Variants in ZNF385D observed in about 807,000 individuals in gnomAD.
The protein encoded by ZNF385D is zinc finger protein 659.
ZNF385D carries 15 observed loss-of-function variants against 35.8 expected under a neutral mutation model. The observed-to-expected ratio is 0.42, with a 90% CI of 0.28 to 0.64. The LOEUF (loss-of-function observed/expected upper bound fraction) is 0.64, where lower values mean the gene tolerates loss of function less well. ZNF385D is among the 30% of genes least tolerant of loss of function. The pLI is 0.23. For synonymous variants in ZNF385D, 212 were observed against 186.8 expected, an observed-to-expected ratio of 1.13 and a Z score of -1.10; for missense variants, 474 against 494.6, an observed-to-expected ratio of 0.96 and a Z score of 0.39.
At chr3:21,938,993 G>C (rs1017004366) in intron 3 of ZNF385D, among the ~76,000 whole-genome samples, 2 of 152,168 alleles carry the variant, frequency 1.3e-5, no homozygotes, top group Admixed American at 1.3e-4. Context: ...GTGCTTCCTG[G>C]TATCTGGAAT....
At chr3:22,219,614 T>C (rs1192899726) in intron 2 of ZNF385D, among the ~76,000 whole-genome samples, 2 of 152,198 alleles carry the variant, frequency 1.3e-5, no homozygotes, top group Non-Finnish European at 2.9e-5. Context: ...AGATGTGTTT[T>C]GGTGTTCAGA....
At chr3:21,616,457 G>A (rs1437390539) in intron 2 of ZNF385D, among the ~76,000 whole-genome samples, 1 of 152,102 alleles carries the variant, frequency 6.6e-6, no homozygotes, top group Non-Finnish European at 1.5e-5. Context: ...ATTTCCTTGC[G>A]GGAGAATTTT....
intron 2 of ZNF385D, among the ~76,000 whole-genome samples, chr3:21,652,004 A>G (rs1035345609): frequency 7.2e-5 from 11 of 152,178 alleles, no homozygotes; most frequent in African/African-American, 2.7e-4. Context: ...ACATCATCTC[A>G]ATCAGATTCC....
chr3:22,319,509 C>T (rs997513194), intron 2 of ZNF385D, among the ~76,000 whole-genome samples: 8 of 151,820 alleles, frequency 5.3e-5, no homozygotes, highest in East Asian at 1.9e-4. Flanking sequence ...GGCAAATGCC[C>T]GTATTGGACA....
intron 3 of ZNF385D, among the ~76,000 whole-genome samples, chr3:21,928,673 T>G (rs565234319): frequency 3.9e-4 from 59 of 152,222 alleles, no homozygotes; most frequent in African/African-American, 1.3e-3. Flanking sequence ...CAACACAAAC[T>G]TCACAGAAAT....
chr3:22,078,477 A>AAGGATATGGTAATTGGGG (rs1327957704), intron 3 of ZNF385D, among the ~76,000 whole-genome samples: 1 of 152,056 alleles, frequency 6.6e-6, no homozygotes, highest in Admixed American at 6.6e-5. Flanking sequence ...ATGAGTGGAT[A>AAGGATATGGTAATTGGGG]AGGATATGGT....
chr3:22,008,061 T>G (rs1490134527), intron 3 of ZNF385D, among the ~76,000 whole-genome samples: 3 of 152,036 alleles, frequency 2.0e-5, no homozygotes, highest in East Asian at 3.9e-4. Flanking sequence ...TTCCAGAGTT[T>G]GATGAGAAGT....
chr3:21,792,569 G>T (rs2071974112), intron 3 of ZNF385D, among the ~76,000 whole-genome samples: 1 of 152,054 alleles, frequency 6.6e-6, no homozygotes, highest in South Asian at 2.1e-4. Context: ...TTACATCCTT[G>T]GTCTATAGGA....
intron 3 of ZNF385D, among the ~76,000 whole-genome samples, chr3:22,110,211 A>G (rs1433395832): frequency 6.6e-6 from 1 of 152,098 alleles, no homozygotes; most frequent in Admixed American, 6.6e-5. Flanking sequence ...TAGTTCAACC[A>G]TTGTGGAAGT....
intron 3 of ZNF385D, among the ~76,000 whole-genome samples, chr3:22,024,427 G>A (rs73137154): frequency 0.086 from 13,060 of 151,790 alleles, 593 homozygotes; most frequent in East Asian, 0.16. Context: ...ATTAAGGATG[G>A]AGTTATTTCC....
At chr3:22,034,595 T>G (rs1698201396) in intron 3 of ZNF385D, among the ~76,000 whole-genome samples, 2 of 152,198 alleles carry the variant, frequency 1.3e-5, no homozygotes, top group African/African-American at 4.8e-5. Flanking sequence ...TATCATATAT[T>G]TAAGACATTG....
In ZNF385D at chr3:22,357,485, T is replaced by C. The variant is rs982576592; in HGVS notation, c.106+14965A>G. ...AAAACTTGGAAGTGCAGATATAAAT[T>C]CTTGGAAGCATACAGTTATGTCTTT... On this transcript the variant is annotated intron_variant, in intron 2 of 5. Transcript: ENST00000494108. Among the ~76,000 whole-genome samples, 16 of 151,900 alleles carry C rather than the reference T, an allele frequency of 1.1e-4. 1 individual carries two copies. Among genetic ancestry groups the C allele is most frequent in the Non-Finnish European group, 2.4e-4 (16 of 67,850 alleles).
At chr3:21,768,773 C>T (rs944633157) in intron 3 of ZNF385D, among the ~76,000 whole-genome samples, 35 of 151,976 alleles carry the variant, frequency 2.3e-4, no homozygotes, top group African/African-American at 8.0e-4. Flanking sequence ...AACCCACCGT[C>T]CCCCATTGAA....
chr3:22,039,861 A>G (rs1374508541), intron 3 of ZNF385D, among the ~76,000 whole-genome samples: 1 of 151,894 alleles, frequency 6.6e-6, no homozygotes, highest in Admixed American at 6.6e-5. Context: ...ACCCTTTTCT[A>G]TGACTGAAAG....
chr3:22,359,750 A>G (rs1696329134), intron 2 of ZNF385D, among the ~76,000 whole-genome samples: 1 of 151,944 alleles, frequency 6.6e-6, no homozygotes, highest in Non-Finnish European at 1.5e-5. Flanking sequence ...AAATGATAGG[A>G]AATAGTGTCC....
intron 3 of ZNF385D, among the ~76,000 whole-genome samples, chr3:22,034,281 C>T (rs971035752): frequency 2.6e-5 from 4 of 152,140 alleles, no homozygotes; most frequent in African/African-American, 4.8e-5. Flanking sequence ...CCTCTCTCTG[C>T]TCCCAGTCAT....
intron 3 of ZNF385D, among the ~76,000 whole-genome samples, chr3:22,131,196 T>A (rs899684614): frequency 5.3e-5 from 8 of 151,976 alleles, no homozygotes; most frequent in Middle Eastern, 3.2e-3. Flanking sequence ...GGGTGGGCAA[T>A]GAGGAACTAG....
chr3:22,120,132 A>AT (rs954479988), intron 3 of ZNF385D, among the ~76,000 whole-genome samples: 19 of 149,256 alleles, frequency 1.3e-4, no homozygotes, highest in South Asian at 8.5e-4. Context: ...GTCCTGCTGC[A>AT]TTTTTTTTTA....
chr3:21,996,179 T>C (rs916244693), intron 3 of ZNF385D, among the ~76,000 whole-genome samples: 7 of 152,156 alleles, frequency 4.6e-5, no homozygotes, highest in African/African-American at 1.7e-4. Context: ...CTCTCCAGAA[T>C]AATGCCATCA....
Sources: gnomAD v4.1 joint callset for allele counts (sites outside exome capture counted in the v4.1 genomes callset) on GRCh38, gnomAD v4.1.1 for gene constraint, MANE v1.5 for transcripts, NCBI Gene and HGNC (gene_info 2026-07-23, HGNC 2026-07-21) for gene names.